IL17RA: variants seen among roughly 807,000 people sequenced by gnomAD.
IL17RA encodes the protein interleukin 17 receptor A.
In IL17RA, 34 loss-of-function variants were observed where a neutral mutation model predicts 50.4. The ratio of observed to expected loss-of-function variants is 0.67; its 90% CI spans 0.51 to 0.90. IL17RA has a LOEUF of 0.90. Ranked by LOEUF, IL17RA falls within the 40% of genes least tolerant of loss-of-function variation. The probability of loss-of-function intolerance (pLI) is 0.00; values close to 1 mark genes in which losing one functional copy is unlikely to be tolerated. For missense variants in IL17RA, 1,276 were observed against 1,169.8 expected (o/e 1.09, Z -1.32); for synonymous variants, 585 against 510.4 (o/e 1.15, Z -1.97).
chr22:17,114,735 C>G lies in IL17RA; in HGVS notation c.*4915C>G, dbSNP rs1170684770. On this transcript the variant is annotated 3_prime_UTR_variant, in exon 13 of 13. Coordinates refer to ENST00000319363, the MANE Select transcript of IL17RA (RefSeq NM_014339.7). The stretch of plus-strand genomic sequence containing the variant: ...AGCCCCTGCTTTTTTGCTAGAATGG[C>G]TGAGCTTTCATGGAAAGGAAGCTGG... 5 of 152,238 alleles carry G rather than the reference C, an allele frequency of 3.3e-5. No individual in the cohort carries two copies. The highest frequency in any genetic ancestry group is 7.3e-5 in the Non-Finnish European group (5 of 68,074). The allele number at this position is 152,238 out of a possible 1,614,324, so 9.4% of individuals were successfully genotyped here.
At chr22:17,087,852 A>G (rs1428434089) in intron 1 of IL17RA, among the ~76,000 whole-genome samples, 2 of 152,238 alleles carry the variant, frequency 1.3e-5, no homozygotes, top group East Asian at 3.8e-4. Flanking sequence ...GTAATTTCAT[A>G]GACAGGATGT....
At chr22:17,100,578 T>C in intron 5 of IL17RA, 97 bp downstream of exon 5, 4 of 1,476,914 alleles carry the variant, frequency 2.7e-6, no homozygotes, top group Admixed American at 3.4e-5. Context: ...CAGCAAGACA[T>C]TGGCTGGCAT....
At chr22:17,100,214 C>A in intron 4 of IL17RA, 141 bp from the exon 5 acceptor site, 1 of 971,974 alleles carries the variant, frequency 1.0e-6, no homozygotes, top group Non-Finnish European at 1.7e-6. Flanking sequence ...TTTCCCTGAC[C>A]TTGGATTTTG....
At chr22:17,105,822 C>T (rs1158155238) in intron 10 of IL17RA, 31 bp from the exon 11 acceptor site, 37 of 1,553,168 alleles carry the variant, frequency 2.4e-5, no homozygotes, top group South Asian at 1.9e-4. Flanking sequence ...CAGGCCCCGC[C>T]GCATCACTCA....
chr22:17,085,577 G>C (rs1431271416), intron 1 of IL17RA, among the ~76,000 whole-genome samples: 2 of 152,158 alleles, frequency 1.3e-5, no homozygotes, highest in East Asian at 3.9e-4. Flanking sequence ...CGGAGGGGCG[G>C]CCAGGGCTGA....
At chr22:17,104,679 G>GGC in intron 8 of IL17RA, 47 bp from the exon 9 acceptor site, 6 of 1,556,294 alleles carry the variant, frequency 3.9e-6, no homozygotes, top group Non-Finnish European at 5.3e-6. Context: ...GGAAGGCATG[G>GGC]GCGCTCTACA....
rs921128886 is a variant in IL17RA, at chr22:17,113,005, T to G, written c.*3185T>G. On this transcript the variant is annotated 3_prime_UTR_variant, in exon 13 of 13. Transcript: ENST00000319363. ...TTGATCCTAGTTTTTTTTTTGTTTT[T>G]TTTTTTTTTAAGGAATAATTACTTT... 2.6e-5 allele frequency: 4 copies of G among 151,850 alleles called. No individual in the cohort carries two copies. The highest frequency in any genetic ancestry group is 2.1e-4 in the South Asian group (1 of 4,816). The allele number at this position is 151,850 out of a possible 1,614,324, so 9.4% of individuals were successfully genotyped here. A position where few individuals can be genotyped will look rare whatever the true frequency, so the allele number is the denominator to read the frequency against.
At chr22:17,108,271 G>T in intron 12 of IL17RA, 36 bp from the exon 13 acceptor site, 1 of 1,608,594 alleles carries the variant, frequency 6.2e-7, no homozygotes, top group Admixed American at 1.7e-5. Flanking sequence ...CTGGGCCCTG[G>T]GGTGAGGGTC....
chr22:17,106,070 T>C (rs1316932680), intron 11 of IL17RA, 116 bp downstream of exon 11: 2 of 791,810 alleles, frequency 2.5e-6, no homozygotes, highest in Admixed American at 2.0e-5. Context: ...GAGAACCACG[T>C]CATAAAGCTG....
At chr22:17,095,117 A>C (rs375897470) in intron 1 of IL17RA, among the ~76,000 whole-genome samples, 26 of 152,302 alleles carry the variant, frequency 1.7e-4, no homozygotes, top group African/African-American at 6.3e-4. Context: ...AATCCATGCA[A>C]TTCTAAATAA....
intron 4 of IL17RA, among the ~76,000 whole-genome samples, chr22:17,099,676 A>G (rs1187704714): frequency 6.6e-6 from 1 of 152,128 alleles, no homozygotes; most frequent in Non-Finnish European, 1.5e-5. Context: ...TAGGACCCCC[A>G]AACTTGACTG....
At chr22:17,105,293 G>A (rs2061409501) in intron 9 of IL17RA, among the ~76,000 whole-genome samples, 1 of 152,182 alleles carries the variant, frequency 6.6e-6, no homozygotes, top group Non-Finnish European at 1.5e-5. Context: ...GTTTTCAAAA[G>A]TCGCATGCCC....
intron 7 of IL17RA, among the ~76,000 whole-genome samples, chr22:17,103,080 T>G (rs2061397551): frequency 1.3e-5 from 2 of 152,134 alleles, no homozygotes; most frequent in African/African-American, 4.8e-5. Flanking sequence ...AGGCAGAGGT[T>G]GTAGTGAGCT....
intron 1 of IL17RA, among the ~76,000 whole-genome samples, chr22:17,090,171 C>T (rs1395850463): frequency 2.0e-5 from 3 of 152,118 alleles, no homozygotes; most frequent in Non-Finnish European, 4.4e-5. Flanking sequence ...TACAGGCGCA[C>T]GCCTCCATGC....
At chr22:17,093,754 C>A in intron 1 of IL17RA, 2 of 192,232 alleles carry the variant, frequency 1.0e-5, no homozygotes, top group South Asian at 2.2e-4. Flanking sequence ...TGGAACGTTC[C>A]TTATTCCTTT....
intron 5 of IL17RA, among the ~76,000 whole-genome samples, chr22:17,100,948 A>C (rs2241044): frequency 0.47 from 70,801 of 151,814 alleles, 16,715 homozygotes; most frequent in Middle Eastern, 0.6. Flanking sequence ...GCCTATCCAC[A>C]CTGCCTGTGA....
intron 1 of IL17RA, among the ~76,000 whole-genome samples, chr22:17,085,927 G>T (rs1460422807): frequency 6.6e-6 from 1 of 152,196 alleles, no homozygotes; most frequent in Non-Finnish European, 1.5e-5. Context: ...GAGGCGCGAA[G>T]CCCTGAGGAT....
chr22:17,107,415 T>A (rs879574), intron 11 of IL17RA, among the ~76,000 whole-genome samples: 32,273 of 152,184 alleles, frequency 0.21, 4,693 homozygotes, highest in African/African-American at 0.41. Flanking sequence ...CCCAATTGAT[T>A]ATGTACAACG....
chr22:17,103,828 AGT>A (rs1298441360), intron 8 of IL17RA, among the ~76,000 whole-genome samples: 31 of 134,542 alleles, frequency 2.3e-4, no homozygotes, highest in Non-Finnish European at 4.6e-4. Flanking sequence ...AGGTGGAGAG[AGT>A]GGTGTGGACG....
Sources: allele counts gnomAD v4.1 joint callset (sites outside exome capture counted in the v4.1 genomes callset), GRCh38; gene constraint gnomAD v4.1.1; transcripts MANE v1.5; gene names NCBI Gene and HGNC (gene_info 2026-07-23, HGNC 2026-07-21).